The following STK3 variants were observed in gnomAD, a reference collection of about 807,000 sequenced individuals.
STK3 encodes the protein serine/threonine kinase 3.
Under a neutral mutation model 58.0 loss-of-function variants are expected in STK3, and 41 were observed. The observed-to-expected ratio is 0.71, with a 90% confidence interval of 0.55 to 0.92. The LOEUF (loss-of-function observed/expected upper bound fraction) is 0.92. Ranked by LOEUF, STK3 falls within the 40% of genes least tolerant of loss-of-function variation. The pLI is 0.00. For missense variants in STK3, 479 were observed against 602.7 expected (o/e 0.79, Z 2.15); for synonymous variants, 170 against 191.0 (o/e 0.89, Z 0.91).
intron 2 of STK3, among the ~76,000 whole-genome samples, chr8:98,435,507 G>A (rs1818454253): frequency 1.3e-5 from 2 of 152,126 alleles, no homozygotes; most frequent in Non-Finnish European, 2.9e-5. Flanking sequence ...GGAAGTGTGA[G>A]AGGGGACAGG....
At chr8:98,578,643 T>A (rs1006548221) in intron 8 of STK3, among the ~76,000 whole-genome samples, 1 of 152,234 alleles carries the variant, frequency 6.6e-6, no homozygotes, top group Non-Finnish European at 1.5e-5. Context: ...TCCATTTGTA[T>A]ACAGAAACTG....
At chr8:98,941,755 G>A (rs1251653100) in intron 1 of STK3, among the ~76,000 whole-genome samples, 1 of 152,236 alleles carries the variant, frequency 6.6e-6, no homozygotes, top group Non-Finnish European at 1.5e-5. Context: ...CCGGCCTCCC[G>A]GGGCGTAAAC....
intron 6 of STK3, among the ~76,000 whole-genome samples, chr8:98,698,952 A>G (rs1278826087): frequency 7.2e-5 from 11 of 152,180 alleles, no homozygotes; most frequent in African/African-American, 2.7e-4. Context: ...AATATCCTGC[A>G]GAGTGTTTTC....
rs868391717 is a variant in STK3, at chr8:98,776,981, C to T, written c.27-2162G>A. On this transcript the variant is annotated intron_variant, in intron 1 of 10. Transcript: ENST00000419617. ...AGGAGAATGGCGTGAACCCAGGAGGCGGAGCTTGCCGTGAGCCGAGATCGC... is the reference window on the plus strand; with the variant it reads ...AGGAGAATGGCGTGAACCCAGGAGGTGGAGCTTGCCGTGAGCCGAGATCGC... 8.6e-4 allele frequency among the ~76,000 whole-genome samples: 130 copies of T among 151,404 alleles called. 2 individuals are homozygous for T. The highest frequency in any genetic ancestry group is 3.1e-3 in the African/African-American group (126 of 41,284).
chr8:98,775,519 G>GT (rs1473846236), intron 1 of STK3, among the ~76,000 whole-genome samples: 21 of 152,208 alleles, frequency 1.4e-4, no homozygotes, highest in African/African-American at 4.6e-4. Context: ...CTCACTGTGG[G>GT]TTTTTTTGCT....
intron 10 of STK3, among the ~76,000 whole-genome samples, chr8:98,459,770 T>C (rs910229767): frequency 5.3e-5 from 8 of 152,326 alleles, no homozygotes; most frequent in African/African-American, 7.2e-5. Flanking sequence ...GCTCAAGCCT[T>C]GGTGGCTTCC....
In STK3 at chr8:98,727,210, G is replaced by A. The variant is rs139457438; in HGVS notation, c.352-19899C>T. ...GCCACAATGATTTGCTCAGAGAAGG[G>A]CACATGACCCACGCAGAGGCACAAG... On this transcript the variant is annotated intron_variant, in intron 4 of 10. Transcript: ENST00000419617. Among the ~76,000 whole-genome samples the A allele has an allele frequency of 2.4e-4, 36 of 152,240 alleles. 1 individual carries two copies. The highest frequency in any genetic ancestry group is 8.4e-4 in the African/African-American group (35 of 41,544).
chr8:98,787,167 CAAAAAAAAAAAAAA>C (rs35568354), intron 1 of STK3, among the ~76,000 whole-genome samples: 4 of 22,690 alleles, frequency 1.8e-4, no homozygotes, highest in South Asian at 3.2e-3. Context: ...GACTCCACCT[CAAAAAAAAAAAAAA>C]AAAAAAAAAA....
At chr8:98,863,680 T>G (rs995838520) in intron 3 of STK3, among the ~76,000 whole-genome samples, 1 of 152,320 alleles carries the variant, frequency 6.6e-6, no homozygotes, top group East Asian at 1.9e-4. Flanking sequence ...ATTCTCACTA[T>G]CCACAGGCAA....
At chr8:98,764,303 G>A (rs150340034) in intron 3 of STK3, among the ~76,000 whole-genome samples, 28 of 152,224 alleles carry the variant, frequency 1.8e-4, no homozygotes, top group Middle Eastern at 3.4e-3. Flanking sequence ...TTTCCCTGGG[G>A]TTCCCTCAAT....
At chr8:98,827,576 C>T (rs1366844939), upstream of STK3, among the ~76,000 whole-genome samples, 1 of 152,088 alleles carries the variant, frequency 6.6e-6, no homozygotes, top group Non-Finnish European at 1.5e-5. Context: ...ATTTTCAAAC[C>T]ATTATATTCT....
chr8:98,410,398 AC>A (rs1818041389), intron 3 of STK3, among the ~76,000 whole-genome samples: 1 of 152,108 alleles, frequency 6.6e-6, no homozygotes, highest in Non-Finnish European at 1.5e-5. Context: ...CCTATCTGTG[AC>A]CCTTTATCTG....
At chr8:98,889,832 C>A (rs528427409) in intron 1 of STK3, 1 of 152,296 alleles carries the variant, frequency 6.6e-6, no homozygotes, top group Admixed American at 6.5e-5. Flanking sequence ...GCGTTTCTAG[C>A]AAGTTCCACC....
intron 1 of STK3, among the ~76,000 whole-genome samples, chr8:98,818,537 A>AAT (rs986538894): frequency 7.5e-6 from 1 of 133,264 alleles, no homozygotes; most frequent in Non-Finnish European, 1.6e-5. Flanking sequence ...ATAAATTATA[A>AAT]ATGTGTGTGT....
At chr8:98,367,935 G>A (rs555777614), downstream of STK3, among the ~76,000 whole-genome samples, 12 of 152,342 alleles carry the variant, frequency 7.9e-5, no homozygotes, top group South Asian at 1.2e-3. Context: ...GAACTTGCAC[G>A]CTGATTGTAT....
Position 98,579,807 on chromosome 8 carries a change from A to G in STK3, c.823-18T>C. 6.4e-7 allele frequency: 1 copy of G among 1,561,296 alleles called. No individual in the cohort carries two copies. The highest frequency in any genetic ancestry group is 8.6e-7 in the Non-Finnish European group (1 of 1,163,454). ...AAAGGATGCTAAAAAAGTAAAATTC[A>G]ATGGTATAAATTCAAAAGATTTTTC... On this transcript the variant is annotated intron_variant, in intron 7 of 10. Coordinates refer to ENST00000419617, the MANE Select transcript of STK3 (RefSeq NM_006281.4).
intron 1 of STK3, among the ~76,000 whole-genome samples, chr8:98,935,890 G>GTTAT (rs796734211): frequency 8.6e-5 from 13 of 151,934 alleles, no homozygotes; most frequent in Non-Finnish European, 1.8e-4. Flanking sequence ...ATGGATCCAT[G>GTTAT]TTATTTATTT....
chr8:98,627,951 G>A (rs184446305), intron 6 of STK3, among the ~76,000 whole-genome samples: 1 of 152,154 alleles, frequency 6.6e-6, no homozygotes, highest in Admixed American at 6.5e-5. Context: ...CATCAAATGA[G>A]AAAATATATA....
rs1811079290 is a variant in STK3, at chr8:98,550,563, AT to A, written c.949-2403del. Among the ~76,000 whole-genome samples, 5 of 152,214 alleles carry A rather than the reference AT, an allele frequency of 3.3e-5. No homozygotes were observed. In the South Asian group the frequency reaches 1.0e-3, roughly 32 times the overall value. ...ATTTATTTTCTCTTTCATTCCCTAT[AT>A]ATGCATCAGTCAACTAGTTCTTTAA... On this transcript the variant is annotated intron_variant, in intron 8 of 10. Coordinates refer to ENST00000419617, the MANE Select transcript of STK3 (RefSeq NM_006281.4).
Sources: allele counts gnomAD v4.1 joint callset (sites outside exome capture counted in the v4.1 genomes callset), GRCh38; gene constraint gnomAD v4.1.1; transcripts MANE v1.5; gene names NCBI Gene and HGNC (gene_info 2026-07-23, HGNC 2026-07-21).